ARAP2: variants seen among roughly 807,000 people sequenced by gnomAD.
ARAP2 encodes arf-GAP with Rho-GAP domain, ANK repeat and PH domain-containing protein 2.
Under a neutral mutation model 194.5 loss-of-function variants are expected in ARAP2, and 148 were observed. The observed-to-expected ratio is 0.76, with a 90% CI of 0.67 to 0.87. The LOEUF (loss-of-function observed/expected upper bound fraction) is 0.87. Ranked by LOEUF, ARAP2 falls within the 40% of genes least tolerant of loss-of-function variation. The probability of loss-of-function intolerance (pLI) is 0.00; values close to 1 mark genes in which losing one functional copy is unlikely to be tolerated. For missense variants in ARAP2, 2,128 were observed against 1,989.7 expected (o/e 1.07, Z -1.32); for synonymous variants, 695 against 683.5 (o/e 1.02, Z -0.26).
intron 29 of ARAP2, among the ~76,000 whole-genome samples, chr4:36,083,091 T>G (rs1459225390): frequency 6.6e-6 from 1 of 151,984 alleles, no homozygotes. Context: ...TACTTCCCAG[T>G]AGACAGAGCC....
chr4:36,150,228 C>T (rs934192251), intron 16 of ARAP2, among the ~76,000 whole-genome samples: 5 of 152,118 alleles, frequency 3.3e-5, no homozygotes, highest in African/African-American at 1.2e-4. Context: ...ATTCTCCTTT[C>T]TTACCTGTTT....
downstream of ARAP2, among the ~76,000 whole-genome samples, chr4:36,063,569 G>A (rs533929121): frequency 1.2e-4 from 19 of 152,032 alleles, no homozygotes; most frequent in Admixed American, 2.0e-4. Flanking sequence ...CGGTTGTGGC[G>A]CACATCTTGA....
intron 1 of ARAP2, among the ~76,000 whole-genome samples, chr4:36,058,408 A>C (rs1004346742): frequency 6.6e-6 from 1 of 152,180 alleles, no homozygotes; most frequent in Non-Finnish European, 1.5e-5. Context: ...TCTATCTTAA[A>C]AAATCATCTC....
intron 2 of ARAP2, among the ~76,000 whole-genome samples, chr4:36,226,489 T>TA (rs553914895): frequency 6.6e-5 from 10 of 152,136 alleles, no homozygotes; most frequent in Admixed American, 3.3e-4. Flanking sequence ...CAGACCTTGT[T>TA]AAAAAAACGT....
chr4:36,083,174 T>G (rs965202490), intron 29 of ARAP2, among the ~76,000 whole-genome samples, 194 bp downstream of exon 29: 1 of 152,050 alleles, frequency 6.6e-6, no homozygotes, highest in Non-Finnish European at 1.5e-5. Flanking sequence ...AGTGGGAACA[T>G]CGTCCCTCCT....
chr4:36,156,339 AAG>A (rs1242478442), intron 15 of ARAP2, among the ~76,000 whole-genome samples: 9 of 26,516 alleles, frequency 3.4e-4, no homozygotes, highest in Admixed American at 4.4e-4. Flanking sequence ...GAGGGAGGGA[AAG>A]AGAGAGAGAG....
rs1336656297 is a variant in ARAP2 at position 36,014,309 on chromosome 4, G to GGAAAGAAAGAGAGAGA, written n.1056+1076_1056+1077insTCTCTCTCTTTCTTTC. 9.2e-3 allele frequency among the ~76,000 whole-genome samples: 781 copies of GGAAAGAAAGAGAGAGA among 85,150 alleles called. 40 individuals carry two copies. The highest frequency in any genetic ancestry group is 0.041 in the African/African-American group (735 of 18,074). The allele number at this position is 85,150 out of a possible 152,430, so 55.9% of individuals were successfully genotyped here. ...AGAAAGAAAGAAAGAAGAGAAGGAA[G>GGAAAGAAAGAGAGAGA]GAAAGAAAGAAAGAGAGAAAGAAAG... On this transcript the variant is annotated intron_variant and non_coding_transcript_variant, in intron 8 of 12. Transcript: ENST00000503225.
intron 15 of ARAP2, among the ~76,000 whole-genome samples, chr4:36,155,471 A>G (rs1732038907): frequency 6.6e-6 from 1 of 152,116 alleles, no homozygotes; most frequent in South Asian, 2.1e-4. Context: ...CATAGGGAAC[A>G]GCAGGTGAAA....
intron 32 of ARAP2, among the ~76,000 whole-genome samples, chr4:36,073,058 T>C (rs1229738015): frequency 6.6e-6 from 1 of 152,184 alleles, no homozygotes; most frequent in Non-Finnish European, 1.5e-5. Flanking sequence ...CACTGAAATA[T>C]GTGTTGGTCC....
chr4:36,159,139 A>C (rs1733315487), intron 14 of ARAP2, among the ~76,000 whole-genome samples, 192 bp downstream of exon 14: 1 of 152,266 alleles, frequency 6.6e-6, no homozygotes, highest in Non-Finnish European at 1.5e-5. Context: ...TTACGGGAAC[A>C]TAAAAGATTG....
At chr4:36,183,055 T>C (rs192282272) in intron 8 of ARAP2, among the ~76,000 whole-genome samples, 6 of 152,042 alleles carry the variant, frequency 3.9e-5, no homozygotes, top group Admixed American at 3.9e-4. Flanking sequence ...GAATTTGGAG[T>C]CCTAGCAAGT....
chr4:36,193,772 G>A, intron 6 of ARAP2, 125 bp from the exon 7 acceptor site: 1 of 685,434 alleles, frequency 1.5e-6, no homozygotes, highest in Non-Finnish European at 2.3e-6. Context: ...ACAACAATAG[G>A]CTATGATAAT....
chr4:36,057,334 G>C (rs1354546880), intron 2 of ARAP2, among the ~76,000 whole-genome samples: 1 of 150,116 alleles, frequency 6.7e-6, no homozygotes, highest in East Asian at 1.9e-4. Flanking sequence ...TTATTACAAT[G>C]TAATTTTGTG....
intron 7 of ARAP2, among the ~76,000 whole-genome samples, chr4:36,188,943 G>T (rs1741222329): frequency 6.6e-6 from 1 of 152,180 alleles, no homozygotes; most frequent in Admixed American, 6.5e-5. Context: ...TTATCTCTGA[G>T]TATTTTTTAA....
intron 3 of ARAP2, chr4:36,046,960 C>T (rs1004628045): frequency 3.3e-5 from 5 of 152,204 alleles, no homozygotes; most frequent in East Asian, 1.9e-4. Context: ...CCACTCTTGC[C>T]TGCATGGTCA....
intron 5 of ARAP2, among the ~76,000 whole-genome samples, chr4:36,211,523 C>T (rs1746763667): frequency 6.6e-6 from 1 of 152,092 alleles, no homozygotes; most frequent in Admixed American, 6.6e-5. Flanking sequence ...ATTCTAAAAA[C>T]CATTACTGCC....
In ARAP2 at chr4:36,187,567, A is replaced by G. The variant is rs1392188168; in HGVS notation, c.1562T>C (p.Met521Thr). 5 of 1,545,086 alleles carry G rather than the reference A, an allele frequency of 3.2e-6. No homozygotes were observed. The highest frequency in any genetic ancestry group is 1.3e-5 in the South Asian group (1 of 76,112). The change falls in exon 8 of 33, where the codon ATG becomes ACG. Residue 521 changes from methionine to threonine, a missense_variant. Transcript: ENST00000303965. ...AAGGGGAATTATTCCTTTCGAATAC[A>G]TCTCCTGTATTGGTTAGAAAAAAAG... ...SISYYNNEKE[M>T]YSKGIIPLSA...
In ARAP2 at chr4:36,214,319, T is replaced by G. The variant is rs957881250; in HGVS notation, c.964+103A>C. 5.0e-6 allele frequency: 4 copies of G among 797,430 alleles called. No homozygotes were observed. The African/African-American group carries it at 5.4e-5, about 11-fold the overall frequency. The allele number at this position is 797,430 out of a possible 1,614,324, so 49.4% of individuals were successfully genotyped here. ...CACTGGCAGACAGTTATTTCCATTG[T>G]TCCCTATACCACAGGTGGGCTGCCT... On this transcript the variant is annotated intron_variant, in intron 3 of 32. Coordinates refer to ENST00000303965, the MANE Select transcript of ARAP2 (RefSeq NM_015230.4).
chr4:36,062,654 G>GTGTC (rs569460919), downstream of ARAP2, among the ~76,000 whole-genome samples: 6 of 151,880 alleles, frequency 4.0e-5, no homozygotes, highest in South Asian at 1.3e-3. Context: ...GTGTGTGTGT[G>GTGTC]TGTGTGTGTA....
Sources: gnomAD v4.1 joint callset for allele counts (sites outside exome capture counted in the v4.1 genomes callset) on GRCh38, gnomAD v4.1.1 for gene constraint, MANE v1.5 for transcripts, NCBI Gene and HGNC (gene_info 2026-07-23, HGNC 2026-07-21) for gene names.